The following TNPO3 variants were observed in gnomAD, a reference collection of about 807,000 sequenced individuals.
TNPO3 encodes the protein transportin 3, also known as transportin-3.
In TNPO3, 65 loss-of-function variants were observed where a neutral mutation model predicts 122.8. The observed-to-expected ratio is 0.53, with a 90% CI of 0.43 to 0.65. The LOEUF (loss-of-function observed/expected upper bound fraction) is 0.65, where lower values mean the gene tolerates loss of function less well. Ranked by LOEUF, TNPO3 falls within the 30% of genes least tolerant of loss-of-function variation. The pLI is 0.00. For missense variants in TNPO3, 850 were observed against 1,136.7 expected, an observed-to-expected ratio of 0.75 and a Z score of 3.63; for synonymous variants, 372 against 411.2, an observed-to-expected ratio of 0.90 and a Z score of 1.15.
intron 4 of TNPO3, 142 bp downstream of exon 4, chr7:129,014,837 A>G (rs936829762): frequency 2.8e-6 from 2 of 710,640 alleles, no homozygotes; most frequent in African/African-American, 1.9e-5. Context: ...GTATGTTGTC[A>G]TGGTAAGGTG....
intron 9 of TNPO3, among the ~76,000 whole-genome samples, chr7:128,993,515 AG>A (rs1388519076): frequency 1.3e-5 from 2 of 152,224 alleles, no homozygotes; most frequent in Non-Finnish European, 2.9e-5. Context: ...AGTATCCTAG[AG>A]GCTTTAATGC....
rs71162548 is a variant in TNPO3, at chr7:129,025,350, C to CAAAAAAAA, written c.121-7201_121-7194dup. Among the ~76,000 whole-genome samples, 2 of 20,716 alleles carry CAAAAAAAA rather than the reference C, an allele frequency of 9.7e-5. 1 individual carries two copies. The highest frequency in any genetic ancestry group is 4.1e-4 in the African/African-American group (2 of 4,894). The allele number at this position is 20,716 out of a possible 152,430, so 13.6% of individuals were successfully genotyped here. A position where few individuals can be genotyped will look rare whatever the true frequency, so the allele number is the denominator to read the frequency against. ...AGGCAACAAGAGTGAAACTCTGTCA[C>CAAAAAAAA]AAAAAAAAAAAAAAAAAAAAAAAAA... On this transcript the variant is annotated intron_variant, in intron 1 of 22. Transcript: ENST00000265388.
chr7:129,027,029 C>T (rs1312746794), intron 1 of TNPO3, among the ~76,000 whole-genome samples: 1 of 151,782 alleles, frequency 6.6e-6, no homozygotes, highest in Non-Finnish European at 1.5e-5. Flanking sequence ...TTGCCTGCCT[C>T]AGCCTCCCAA....
intron 1 of TNPO3, among the ~76,000 whole-genome samples, chr7:129,051,470 G>C (rs1338468696): frequency 6.6e-6 from 1 of 151,170 alleles, no homozygotes; most frequent in Non-Finnish European, 1.5e-5. Context: ...TGAGTAGCTG[G>C]GACTATAGGC....
intron 4 of TNPO3, among the ~76,000 whole-genome samples, chr7:129,011,609 TG>T (rs1308076865): frequency 1.3e-5 from 2 of 152,180 alleles, no homozygotes; most frequent in African/African-American, 2.4e-5. Flanking sequence ...CCCAAAGTGC[TG>T]GGATTACAGG....
chr7:129,045,198 G>A (rs943330874), intron 1 of TNPO3, among the ~76,000 whole-genome samples: 6 of 152,168 alleles, frequency 3.9e-5, no homozygotes, highest in Non-Finnish European at 8.8e-5. Context: ...AGGGATTGGG[G>A]CGGGGAGCAA....
chr7:128,980,134 A>G, intron 14 of TNPO3, 103 bp from the exon 15 acceptor site: 1 of 952,690 alleles, frequency 1.0e-6, no homozygotes, highest in Non-Finnish European at 1.7e-6. Context: ...TTCACCAAAT[A>G]AAGAAAACCA....
intron 8 of TNPO3, 44 bp downstream of exon 8, chr7:128,997,345 A>G: frequency 6.2e-7 from 1 of 1,605,312 alleles, no homozygotes; most frequent in East Asian, 2.2e-5. Context: ...GGCACTGACA[A>G]GAGGAAGAAA....
chr7:129,034,605 C>T (rs771742727), intron 1 of TNPO3, among the ~76,000 whole-genome samples: 12 of 151,312 alleles, frequency 7.9e-5, no homozygotes, highest in East Asian at 3.9e-4. Flanking sequence ...TAAAGACCTG[C>T]GAGGCCAGGC....
intron 21 of TNPO3, among the ~76,000 whole-genome samples, chr7:128,966,215 G>A (rs73463019): frequency 1.1e-4 from 16 of 151,946 alleles, no homozygotes; most frequent in African/African-American, 3.9e-4. Context: ...CTTCTTCCTT[G>A]TTCATCTTTG....
chr7:129,031,625 A>G (rs939078606), intron 1 of TNPO3, among the ~76,000 whole-genome samples: 4 of 152,220 alleles, frequency 2.6e-5, no homozygotes, highest in Admixed American at 1.3e-4. Context: ...ATGTAAAGAA[A>G]TAACATTAAT....
In TNPO3 at chr7:128,975,430, T is replaced by C. The variant is rs138852549; in HGVS notation, c.2178+389A>G. Among the ~76,000 whole-genome samples, 5 of 152,346 alleles carry C rather than the reference T, an allele frequency of 3.3e-5. No homozygotes were observed. The South Asian group carries it at 8.3e-4, about 25-fold the overall frequency. On this transcript the variant is annotated intron_variant, in intron 17 of 22. Transcript: ENST00000265388. ...GCAGTATCTGAGGAGCTGTTTCCAATGCTATTATTAATTCTAAAACCCTCC... is the reference window on the plus strand; with the variant it reads ...GCAGTATCTGAGGAGCTGTTTCCAACGCTATTATTAATTCTAAAACCCTCC...
In TNPO3 at chr7:129,038,458, G is replaced by A. The variant is rs572750347; in HGVS notation, c.120+16193C>T. Among the ~76,000 whole-genome samples the A allele has an allele frequency of 4.6e-5, 7 of 152,270 alleles. No homozygotes were observed. The East Asian group carries it at 1.2e-3, about 25-fold the overall frequency. ...AGAGCTAAAAACAGAACTACCATTC[G>A]ACCCAGCAATCCCATTACTGGATGT... On this transcript the variant is annotated intron_variant, in intron 1 of 22. Coordinates refer to ENST00000265388, the MANE Select transcript of TNPO3 (RefSeq NM_012470.4).
At position 129,054,846 on chromosome 7, in the gene TNPO3, T is replaced by C. The variant is rs932816149; in HGVS notation, c.-76A>G. ...TTCCTCGGTTGCTCCGCCTTCGCGC[T>C]TCCTCACTGTCTGGGCCACGGCCGC... is the stretch of plus-strand genomic sequence containing the variant. On this transcript the variant is annotated 5_prime_UTR_variant, in exon 1 of 23. Transcript: ENST00000265388. 72 of 1,584,464 alleles carry C rather than the reference T, an allele frequency of 4.5e-5. No individual in the cohort carries two copies. The Admixed American group carries it at 1.2e-3, about 26-fold the overall frequency.
intron 16 of TNPO3, among the ~76,000 whole-genome samples, chr7:128,978,653 C>G: frequency 6.6e-6 from 1 of 152,060 alleles, no homozygotes. Flanking sequence ...GTTCTAAAGG[C>G]TCCTATTTCA....
chr7:129,022,161 G>C (rs1036557334), intron 1 of TNPO3, among the ~76,000 whole-genome samples: 2 of 152,090 alleles, frequency 1.3e-5, no homozygotes, highest in African/African-American at 4.8e-5. Flanking sequence ...GAGGTGGGAG[G>C]CTTACTTGAG....
intron 8 of TNPO3, among the ~76,000 whole-genome samples, chr7:128,995,703 T>C (rs1585341599): frequency 2.5e-5 from 1 of 40,694 alleles, no homozygotes; most frequent in African/African-American, 9.8e-5. Context: ...GTCTTCACTT[T>C]ATTTTATTTT....
At chr7:128,998,004 ATTTTTT>A (rs71162546) in intron 7 of TNPO3, among the ~76,000 whole-genome samples, 6,038 of 129,350 alleles carry the variant, frequency 0.047, 177 homozygotes, top group Middle Eastern at 0.11. Flanking sequence ...AGCTCAGCTA[ATTTTTT>A]TTTTTTTTTT....
intron 8 of TNPO3, among the ~76,000 whole-genome samples, chr7:128,996,568 C>G (rs967754628): frequency 2.0e-5 from 3 of 151,674 alleles, no homozygotes; most frequent in Non-Finnish European, 4.4e-5. Context: ...ACGGTGAAAC[C>G]CCATCTCTAC....
Sources: allele counts gnomAD v4.1 joint callset (sites outside exome capture counted in the v4.1 genomes callset), GRCh38; gene constraint gnomAD v4.1.1; transcripts MANE v1.5; gene names NCBI Gene and HGNC (gene_info 2026-07-23, HGNC 2026-07-21).